The following HCN1 variants were observed in gnomAD, a reference collection of about 807,000 sequenced individuals.
HCN1 encodes potassium/sodium hyperpolarization-activated cyclic nucleotide-gated channel 1.
HCN1 carries 13 observed loss-of-function variants against 78.9 expected under a neutral mutation model. That is an observed-to-expected ratio of 0.16 (90% confidence interval 0.11 to 0.26). The LOEUF (loss-of-function observed/expected upper bound fraction) is 0.26, where lower values mean the gene tolerates loss of function less well. HCN1 is among the 10% of genes least tolerant of loss of function. The pLI, the probability that HCN1 is intolerant of heterozygous loss-of-function variation, is 1.00. For missense variants in HCN1, 810 were observed against 1,154.3 expected (o/e 0.70, Z 4.32); for synonymous variants, 552 against 455.5 (o/e 1.21, Z -2.70).
At chr5:45,338,482 T>C (rs1400051938) in intron 5 of HCN1, among the ~76,000 whole-genome samples, 1 of 152,172 alleles carries the variant, frequency 6.6e-6, no homozygotes, top group Non-Finnish European at 1.5e-5. Context: ...TATACACATT[T>C]TAATATTTTT....
At chr5:45,595,823 T>C (rs1744480295) in intron 2 of HCN1, among the ~76,000 whole-genome samples, 1 of 152,022 alleles carries the variant, frequency 6.6e-6, no homozygotes, top group Admixed American at 6.6e-5. Flanking sequence ...ATTATGATGG[T>C]TCAACATATG....
intron 5 of HCN1, among the ~76,000 whole-genome samples, chr5:45,323,732 C>T (rs771090116): frequency 1.4e-4 from 21 of 151,950 alleles, no homozygotes; most frequent in Non-Finnish European, 2.1e-4. Context: ...AACCCCACGA[C>T]AGGCCCGGTG....
At chr5:45,354,333 G>T (rs1273236254) in intron 4 of HCN1, among the ~76,000 whole-genome samples, 1 of 151,914 alleles carries the variant, frequency 6.6e-6, no homozygotes, top group Admixed American at 6.6e-5. Flanking sequence ...TAAAAATTTT[G>T]TTTCATTGTA....
intron 2 of HCN1, among the ~76,000 whole-genome samples, chr5:45,562,765 A>AG (rs1401953637): frequency 6.6e-6 from 1 of 152,138 alleles, no homozygotes; most frequent in African/African-American, 2.4e-5. Flanking sequence ...CAGAAAAAAA[A>AG]TTGCTTAACA....
chr5:45,294,008 G>A (rs557122153), intron 6 of HCN1, among the ~76,000 whole-genome samples: 6 of 151,918 alleles, frequency 3.9e-5, no homozygotes, highest in Admixed American at 6.6e-5. Flanking sequence ...TCTTTCCTAC[G>A]GCTGCCTCTT....
In HCN1 at chr5:45,345,796, G is replaced by A. The variant is rs142790787; in HGVS notation, c.1377+7304C>T. On this transcript the variant is annotated intron_variant, in intron 5 of 7. Transcript: ENST00000303230. ...CTCTCTTCTTCTGAACCCTCCAAAC[G>A]GTTTCAATCTCTGCCTGTTACCCAG... 1.9e-3 allele frequency among the ~76,000 whole-genome samples: 283 copies of A among 152,180 alleles called. 1 individual carries two copies. Among genetic ancestry groups the A allele is most frequent in the African/African-American group, 6.6e-3 (274 of 41,526 alleles).
chr5:45,459,920 C>T (rs1741111919), intron 3 of HCN1, among the ~76,000 whole-genome samples: 1 of 151,990 alleles, frequency 6.6e-6, no homozygotes. Context: ...TACTTTCCTC[C>T]TTCAAAAAGA....
At chr5:45,294,374 T>A (rs911064213) in intron 6 of HCN1, among the ~76,000 whole-genome samples, 4 of 152,070 alleles carry the variant, frequency 2.6e-5, no homozygotes, top group Non-Finnish European at 5.9e-5. Context: ...GAAATGTCCA[T>A]TATTAAAGCA....
chr5:45,344,248 TACCTCCTACCAGGTACCTCCCATG>T (rs1746650238), intron 5 of HCN1, among the ~76,000 whole-genome samples: 1 of 151,952 alleles, frequency 6.6e-6, no homozygotes, highest in Admixed American at 6.5e-5. Context: ...ATGATTCAAT[TACCTCCTACCAGGTACCTCCCATG>T]ACATGTAGGG....
chr5:45,579,469 G>A (rs563852650), intron 2 of HCN1, among the ~76,000 whole-genome samples: 130 of 151,832 alleles, frequency 8.6e-4, no homozygotes, highest in Non-Finnish European at 1.5e-3. Context: ...TCATATTTTC[G>A]TCTCCTGCAA....
intron 6 of HCN1, among the ~76,000 whole-genome samples, chr5:45,287,099 CTGTGTGTGTGTGTGTA>C (rs1464606679): frequency 4.1e-5 from 6 of 147,766 alleles, no homozygotes; most frequent in African/African-American, 1.5e-4. Flanking sequence ...GTGTGTGTGT[CTGTGTGTGTGTGTGTA>C]TGTGATGTGT....
At chr5:45,373,670 C>G (rs1281472441) in intron 4 of HCN1, among the ~76,000 whole-genome samples, 1 of 119,666 alleles carries the variant, frequency 8.4e-6, no homozygotes, top group Non-Finnish European at 1.7e-5. Flanking sequence ...ACGGTATATA[C>G]GTCATCTATA....
At chr5:45,600,564 C>T (rs186865552) in intron 2 of HCN1, among the ~76,000 whole-genome samples, 1 of 152,216 alleles carries the variant, frequency 6.6e-6, no homozygotes, top group Admixed American at 6.5e-5. Context: ...ATTCTCAGGC[C>T]AGCTCATCCG....
chr5:45,480,851 A>G (rs189303763), intron 2 of HCN1, among the ~76,000 whole-genome samples: 11 of 152,342 alleles, frequency 7.2e-5, no homozygotes, highest in African/African-American at 2.4e-4. Flanking sequence ...ATTTGGTAGG[A>G]TCCTAATACA....
chr5:45,278,997 T>C (rs1457105424), intron 6 of HCN1, among the ~76,000 whole-genome samples: 1 of 152,124 alleles, frequency 6.6e-6, no homozygotes, highest in Non-Finnish European at 1.5e-5. Flanking sequence ...TCTGAACTTT[T>C]ACAGAAAAAC....
chr5:45,459,327 T>A (rs1056415721), intron 3 of HCN1, among the ~76,000 whole-genome samples: 1 of 150,926 alleles, frequency 6.6e-6, no homozygotes, highest in Non-Finnish European at 1.5e-5. Flanking sequence ...CTCTCTACAT[T>A]CGAGTTACAC....
At chr5:45,613,823 A>T (rs183017770) in intron 2 of HCN1, among the ~76,000 whole-genome samples, 1 of 152,152 alleles carries the variant, frequency 6.6e-6, no homozygotes, top group Non-Finnish European at 1.5e-5. Flanking sequence ...AAAACTTGCC[A>T]TATCAATAGT....
chr5:45,580,784 C>T (rs543776210), intron 2 of HCN1, among the ~76,000 whole-genome samples: 6 of 152,138 alleles, frequency 3.9e-5, no homozygotes, highest in East Asian at 1.9e-4. Context: ...TGAGAACATG[C>T]GGTGTTTGGT....
intron 2 of HCN1, among the ~76,000 whole-genome samples, chr5:45,466,730 C>G (rs923202137): frequency 6.6e-5 from 10 of 152,080 alleles, no homozygotes; most frequent in African/African-American, 1.9e-4. Context: ...TTTTAAAAGC[C>G]CTATTATACC....
Sources: gnomAD v4.1 joint callset for allele counts (sites outside exome capture counted in the v4.1 genomes callset) on GRCh38, gnomAD v4.1.1 for gene constraint, MANE v1.5 for transcripts, NCBI Gene and HGNC (gene_info 2026-07-23, HGNC 2026-07-21) for gene names.